Variants in HYLS1 observed in about 807,000 individuals in gnomAD.
The protein encoded by HYLS1 is HYLS1 centriolar and ciliogenesis associated, also known as centriolar and ciliogenesis-associated protein HYLS1.
A neutral mutation model predicts 29.4 loss-of-function variants in HYLS1; 25 were observed. That is an observed-to-expected ratio of 0.85 (90% CI 0.62 to 1.19). The LOEUF (loss-of-function observed/expected upper bound fraction) is 1.19, where lower values mean the gene tolerates loss of function less well. Ranked by LOEUF, HYLS1 falls within the 50% of genes most tolerant of loss-of-function variation. HYLS1 has a pLI of 0.00. For synonymous variants in HYLS1, 128 were observed against 126.7 expected, an observed-to-expected ratio of 1.01 and a Z score of -0.07; for missense variants, 352 against 365.1, an observed-to-expected ratio of 0.96 and a Z score of 0.29.
In HYLS1 at chr11:125,899,341, CAGA is replaced by C; in HGVS notation, c.-25_-23del. On this transcript the variant is annotated splice_acceptor_variant and 5_prime_UTR_variant, in exon 3 of 3. Coordinates refer to ENST00000425380, the MANE Select transcript of HYLS1 (RefSeq NM_001134793.2). LOFTEE classifies it low-confidence loss of function (5UTR_SPLICE). The stretch of plus-strand genomic sequence containing the variant: ...GAAAACTGACCAATGTTATCTCTTG[CAGA>C]AGGTCCTACAGTGTAGGGGAAGCAA... 6.2e-7 allele frequency: 1 copy of C among 1,603,720 alleles called. No homozygotes were observed. The highest frequency in any genetic ancestry group is 8.5e-7 in the Non-Finnish European group (1 of 1,172,240).
intron 1 of HYLS1, 23 bp from the exon 2 acceptor site, chr11:125,891,400 T>G (rs1477896269): frequency 7.5e-6 from 1 of 134,004 alleles, no homozygotes; most frequent in Non-Finnish European, 1.6e-5. Flanking sequence ...TTAATTTTTT[T>G]AAACTCTATT....
intron 2 of HYLS1, chr11:125,893,974 T>G (rs745568007): frequency 1.2e-6 from 2 of 1,614,180 alleles, no homozygotes; most frequent in South Asian, 2.2e-5. Context: ...GTCCTTGGCA[T>G]TTAGGACGGT....
intron 2 of HYLS1, among the ~76,000 whole-genome samples, chr11:125,894,775 T>C (rs1944523496): frequency 6.6e-6 from 1 of 152,200 alleles, no homozygotes; most frequent in African/African-American, 2.4e-5. Flanking sequence ...ATATGAATAG[T>C]TTGTTCATTT....
chr11:125,895,613 A>T (rs766057732), intron 2 of HYLS1: 1 of 1,614,252 alleles, frequency 6.2e-7, no homozygotes, highest in Non-Finnish European at 8.5e-7. Flanking sequence ...TGAACCTAGC[A>T]CTGAAGCTTG....
At chr11:125,888,106 C>T (rs1159690551) in intron 1 of HYLS1, 1 of 152,232 alleles carries the variant, frequency 6.6e-6, no homozygotes, top group Non-Finnish European at 1.5e-5. Flanking sequence ...GGCCCCAGGG[C>T]TGGAGGGGAG....
Position 125,900,619 on chromosome 11 carries a change from T to C in HYLS1, c.*351T>C. ...TTTTTTAAGTTGCTGGGCATTACAC[T>C]TACCAATTAAAGAATTTTGGAAATT... On this transcript the variant is annotated 3_prime_UTR_variant, in exon 3 of 3. Transcript: ENST00000425380. 3.6e-6 allele frequency: 1 copy of C among 279,740 alleles called. No homozygotes were observed. Among genetic ancestry groups the C allele is most frequent in the South Asian group, 4.4e-5 (1 of 22,902 alleles). 17.3% of individuals were successfully genotyped at this position (279,740 alleles called of 1,614,324 possible). A position where few individuals can be genotyped will look rare whatever the true frequency, so the allele number is the denominator to read the frequency against.
Position 125,900,319 on chromosome 11 carries a change from T to C in HYLS1, c.*51T>C. On this transcript the variant is annotated 3_prime_UTR_variant, in exon 3 of 3. Coordinates refer to ENST00000425380, the MANE Select transcript of HYLS1 (RefSeq NM_001134793.2). ...TTGTTTGAGATAACCTAGCTCTTTATATCTTCCCTTTTAAATAGAAACAAC... is the reference window on the plus strand; with the variant it reads ...TTGTTTGAGATAACCTAGCTCTTTACATCTTCCCTTTTAAATAGAAACAAC... The C allele has an allele frequency of 6.5e-7, 1 of 1,542,670 alleles. No homozygotes were observed. Among genetic ancestry groups the C allele is most frequent in the Non-Finnish European group, 9.0e-7 (1 of 1,116,476 alleles).
At chr11:125,891,755 G>A (rs886737323) in intron 2 of HYLS1, among the ~76,000 whole-genome samples, 3 of 152,070 alleles carry the variant, frequency 2.0e-5, no homozygotes, top group African/African-American at 7.2e-5. Flanking sequence ...CTAAAATGGG[G>A]TATTTTCTGG....
Position 125,899,435 on chromosome 11 carries a change from G to T in HYLS1, c.67G>T (p.Ala23Ser). 6.2e-7 allele frequency: 1 copy of T among 1,614,222 alleles called. No individual in the cohort carries two copies. Among genetic ancestry groups the T allele is most frequent in the South Asian group, 1.1e-5 (1 of 91,084 alleles). ...GGATCCAGAAGAACGAATGTTGGCA[G>T]CTGCTACAGCTTTTACCCACATCTG... ...NMDPEERMLA[A>S]ATAFTHICAG... Residue 23 changes from alanine to serine, a missense_variant, in exon 3 of 3, where the codon GCT becomes TCT. Transcript: ENST00000425380.
intron 2 of HYLS1, among the ~76,000 whole-genome samples, chr11:125,892,543 A>G (rs958775820): frequency 3.9e-5 from 6 of 152,186 alleles, no homozygotes; most frequent in African/African-American, 1.4e-4. Flanking sequence ...CATTTTGCTC[A>G]CATCTGAAAC....
chr11:125,895,002 G>A (rs1334854513), intron 2 of HYLS1, among the ~76,000 whole-genome samples: 1 of 151,738 alleles, frequency 6.6e-6, no homozygotes. Flanking sequence ...GGCAGAATCA[G>A]TGACTTCGTT....
At chr11:125,897,611 T>A (rs116354309) in intron 2 of HYLS1, among the ~76,000 whole-genome samples, 1,570 of 151,792 alleles carry the variant, frequency 0.01, 35 homozygotes, top group African/African-American at 0.035. Flanking sequence ...AAAAATTTTT[T>A]AAAAAAAATT....
In HYLS1 at chr11:125,895,386, G is replaced by A. The variant is rs766727713; in HGVS notation, c.-26+3914G>A. 1.9e-6 allele frequency: 3 copies of A among 1,614,058 alleles called. No individual in the cohort carries two copies. The Admixed American group carries it at 5.0e-5, about 27-fold the overall frequency. ...CACTTCAAACTGACATAACTGGAAA[G>A]GTTCTTGCCATCTCCCCTCACCTGG... On this transcript the variant is annotated intron_variant, in intron 2 of 2. Transcript: ENST00000425380.
At chr11:125,883,807 G>A (rs1944263261), upstream of HYLS1, 3 of 152,244 alleles carry the variant, frequency 2.0e-5, no homozygotes, top group South Asian at 6.2e-4. Flanking sequence ...CCGGGAGGCG[G>A]AGGCTGCAGT....
At chr11:125,899,276 T>G in intron 2 of HYLS1, 68 bp from the exon 3 acceptor site, 1 of 1,122,150 alleles carries the variant, frequency 8.9e-7, no homozygotes, top group Admixed American at 2.0e-5. Context: ...AAAACGGAGA[T>G]AAGGGAATGA....
chr11:125,887,024 GCA>G (rs921103617), upstream of HYLS1: 7 of 152,716 alleles, frequency 4.6e-5, no homozygotes, highest in African/African-American at 9.6e-5. Context: ...GGTGGCTGGA[GCA>G]CAGTTAGAGT....
intron 2 of HYLS1, among the ~76,000 whole-genome samples, chr11:125,896,801 A>G (rs887318639): frequency 1.8e-4 from 27 of 152,168 alleles, no homozygotes; most frequent in Non-Finnish European, 4.4e-5. Flanking sequence ...TCCATCATCT[A>G]ATATTCATTA....
chr11:125,889,598 G>A (rs1944373533), intron 1 of HYLS1, among the ~76,000 whole-genome samples: 1 of 152,114 alleles, frequency 6.6e-6, no homozygotes, highest in Non-Finnish European at 1.5e-5. Flanking sequence ...TTAGCCGGGC[G>A]TGGTGGCAGG....
chr11:125,899,988 G>C lies in HYLS1; in HGVS notation c.620G>C (p.Arg207Pro), dbSNP rs778523649. ...LPKLDQLSRN[R>P]GKTDRVARYF... ...AAGCTGGACCAGTTAAGCCGAAACC[G>C]GGGCAAGACAGACCGGGTAGCCCGG... Residue 207 changes from arginine to proline, a missense_variant, in exon 3 of 3, where the codon CGG (arginine) becomes CCG (proline). Transcript: ENST00000425380. 2.5e-6 allele frequency: 4 copies of C among 1,614,206 alleles called. No homozygotes were observed. The highest frequency in any genetic ancestry group is 2.5e-6 in the Non-Finnish European group (3 of 1,180,034).
Sources: gnomAD v4.1 joint callset for allele counts (sites outside exome capture counted in the v4.1 genomes callset) on GRCh38, gnomAD v4.1.1 for gene constraint, MANE v1.5 for transcripts, NCBI Gene and HGNC (gene_info 2026-07-23, HGNC 2026-07-21) for gene names.